STIM2: variants seen among roughly 807,000 people sequenced by gnomAD.
The protein encoded by STIM2 is stromal interaction molecule 2.
Under a neutral mutation model 85.8 loss-of-function variants are expected in STIM2, and 31 were observed. The ratio of observed to expected loss-of-function variants is 0.36; its 90% CI spans 0.27 to 0.49. The LOEUF (loss-of-function observed/expected upper bound fraction) is 0.49. Among genes scored for constraint, STIM2 ranks in the 20% least tolerant of loss-of-function variants. STIM2 has a pLI of 0.98. For missense variants in STIM2, 841 were observed against 927.6 expected (o/e 0.91, Z 1.21); for synonymous variants, 356 against 331.1 (o/e 1.08, Z -0.82).
intron 9 of STIM2, 58 bp from the exon 10 acceptor site, chr4:27,008,706 C>A: frequency 6.5e-7 from 1 of 1,527,040 alleles, no homozygotes; most frequent in Non-Finnish European, 9.0e-7. Context: ...TGCCTTTTTT[C>A]AGTGCCATAT....
intron 3 of STIM2, among the ~76,000 whole-genome samples, chr4:26,988,217 G>C (rs1452130512): frequency 6.6e-6 from 1 of 152,190 alleles, no homozygotes; most frequent in Non-Finnish European, 1.5e-5. Context: ...TCATCATCCA[G>C]AGGATAAGAT....
At chr4:26,959,678 T>A (rs1726377689) in intron 3 of STIM2, among the ~76,000 whole-genome samples, 2 of 152,110 alleles carry the variant, frequency 1.3e-5, no homozygotes, top group Admixed American at 1.3e-4. Flanking sequence ...TTTGGTGAGA[T>A]CTTTTGTGAT....
At chr4:27,000,374 A>G (rs1728109636) in intron 5 of STIM2, among the ~76,000 whole-genome samples, 1 of 152,202 alleles carries the variant, frequency 6.6e-6, no homozygotes, top group Admixed American at 6.5e-5. Flanking sequence ...ATAGAACACT[A>G]CTGAAATGCC....
chr4:26,893,439 T>A (rs1723572549), intron 1 of STIM2, among the ~76,000 whole-genome samples: 1 of 152,258 alleles, frequency 6.6e-6, no homozygotes, highest in South Asian at 2.1e-4. Flanking sequence ...TTTTTGCCTG[T>A]CTTGCTTTTG....
chr4:26,901,578 G>C (rs974100695), intron 1 of STIM2, among the ~76,000 whole-genome samples: 50 of 151,968 alleles, frequency 3.3e-4, no homozygotes, highest in African/African-American at 1.2e-3. Context: ...TTTCCTTTTT[G>C]GGCCTTATAG....
chr4:26,943,109 C>T (rs1220666070), intron 2 of STIM2, among the ~76,000 whole-genome samples: 1 of 152,066 alleles, frequency 6.6e-6, no homozygotes, highest in Non-Finnish European at 1.5e-5. Context: ...GTGATCTCAT[C>T]TGCCATTGTT....
At chr4:26,876,365 A>T (rs956204548) in intron 1 of STIM2, among the ~76,000 whole-genome samples, 2 of 152,180 alleles carry the variant, frequency 1.3e-5, no homozygotes, top group African/African-American at 4.8e-5. Flanking sequence ...CTTTTGAGTC[A>T]CAGGAATACA....
intron 1 of STIM2, among the ~76,000 whole-genome samples, chr4:26,876,188 T>G (rs1434821424): frequency 6.6e-6 from 1 of 152,192 alleles, no homozygotes. Context: ...ATTTAAGAAG[T>G]CTTTAATTTC....
rs1370201221 is a variant in STIM2 at position 27,025,352 on chromosome 4, T to TGA, written c.*2357_*2358dup. 2.0e-5 allele frequency: 3 copies of TGA among 149,722 alleles called. No homozygotes were observed. In the East Asian group the frequency reaches 6.0e-4, roughly 30 times the overall value. 9.3% of individuals were successfully genotyped at this position (149,722 alleles called of 1,614,324 possible). A position where few individuals can be genotyped will look rare whatever the true frequency, so the allele number is the denominator to read the frequency against. On this transcript the variant is annotated 3_prime_UTR_variant, in exon 12 of 12. Coordinates refer to ENST00000467087, the MANE Select transcript of STIM2 (RefSeq NM_020860.4). ...ACATTTTAAAATTATGGTGTTTTCC[T>TGA]GATTTTAAAAGCAATATTTTCCTTA... is the stretch of plus-strand genomic sequence containing the variant.
intron 10 of STIM2, among the ~76,000 whole-genome samples, chr4:27,012,334 G>T (rs1397777756): frequency 2.0e-5 from 3 of 151,566 alleles, no homozygotes; most frequent in Non-Finnish European, 2.9e-5. Context: ...ATTTTTTTTT[G>T]AATTTGTGAA....
chr4:26,860,971 G>C lies in STIM2; in HGVS notation c.-248G>C. 7.8e-7 allele frequency: 1 copy of C among 1,279,554 alleles called. No homozygotes were observed. The highest frequency in any genetic ancestry group is 2.2e-4 in the Middle Eastern group (1 of 4,466). 79.3% of individuals were successfully genotyped at this position (1,279,554 alleles called of 1,614,324 possible). On this transcript the variant is annotated 5_prime_UTR_variant, in exon 1 of 12. Transcript: ENST00000467087. ...TAACCGGAACCAATGAACGCAGCCGGGATCAGAGCTCCGGAGGCCGCCGGT... is the reference window on the plus strand; with the variant it reads ...TAACCGGAACCAATGAACGCAGCCGCGATCAGAGCTCCGGAGGCCGCCGGT...
chr4:26,963,542 C>T (rs1224751919), intron 3 of STIM2, among the ~76,000 whole-genome samples: 1 of 152,188 alleles, frequency 6.6e-6, no homozygotes, highest in Non-Finnish European at 1.5e-5. Flanking sequence ...GCATCACACT[C>T]ATTAGTAGAA....
chr4:26,942,222 T>C (rs1725635967), intron 2 of STIM2, among the ~76,000 whole-genome samples: 2 of 152,266 alleles, frequency 1.3e-5, no homozygotes, highest in East Asian at 3.9e-4. Context: ...GGATTCACTG[T>C]CTGTGTTCTT....
chr4:27,011,719 C>T (rs963186808), intron 10 of STIM2, among the ~76,000 whole-genome samples: 4 of 151,994 alleles, frequency 2.6e-5, no homozygotes, highest in South Asian at 2.1e-4. Context: ...GGTTGAGTAC[C>T]ATTTCCTTTA....
chr4:26,873,893 G>A, intron 1 of STIM2: 1 of 1,359,774 alleles, frequency 7.4e-7, no homozygotes, highest in South Asian at 1.2e-5. Flanking sequence ...CTTCTCCCAG[G>A]GGTCTGCGGC....
intron 11 of STIM2, among the ~76,000 whole-genome samples, chr4:27,018,298 C>T (rs530909874): frequency 6.6e-6 from 1 of 152,292 alleles, no homozygotes; most frequent in African/African-American, 2.4e-5. Context: ...TTTCCTGTGG[C>T]TCCAGGACGG....
intron 3 of STIM2, among the ~76,000 whole-genome samples, chr4:26,991,053 G>T (rs942187283): frequency 2.0e-5 from 3 of 152,078 alleles, no homozygotes; most frequent in Non-Finnish European, 4.4e-5. Context: ...AATAGAGCTA[G>T]CATATGATTC....
At chr4:27,019,834 A>G (rs928084411) in intron 11 of STIM2, among the ~76,000 whole-genome samples, 9 of 152,260 alleles carry the variant, frequency 5.9e-5, no homozygotes, top group African/African-American at 2.2e-4. Flanking sequence ...AAAAAATAGC[A>G]TAAGTGGTAC....
chr4:26,909,551 C>G (rs1334502519), intron 1 of STIM2, among the ~76,000 whole-genome samples: 1 of 152,162 alleles, frequency 6.6e-6, no homozygotes, highest in Non-Finnish European at 1.5e-5. Flanking sequence ...ACGTATTGCA[C>G]TTGGATCAAT....
Sources: allele counts gnomAD v4.1 joint callset (sites outside exome capture counted in the v4.1 genomes callset), GRCh38; gene constraint gnomAD v4.1.1; transcripts MANE v1.5; gene names NCBI Gene and HGNC (gene_info 2026-07-23, HGNC 2026-07-21).